The following PTPN4 variants were observed in gnomAD, a reference collection of about 807,000 sequenced individuals.
The protein encoded by PTPN4 is protein tyrosine phosphatase non-receptor type 4.
Under a neutral mutation model 135.5 loss-of-function variants are expected in PTPN4, and 49 were observed. The observed-to-expected ratio is 0.36, with a 90% CI of 0.29 to 0.46. The LOEUF (loss-of-function observed/expected upper bound fraction) is 0.46, where lower values mean the gene tolerates loss of function less well. PTPN4 is among the 20% of genes least tolerant of loss of function. PTPN4 has a pLI of 1.00. For missense variants in PTPN4, 860 were observed against 1,101.0 expected (o/e 0.78, Z 3.10); for synonymous variants, 333 against 369.9 (o/e 0.90, Z 1.14).
At chr2:119,774,364 TTTTTTGTTTTG>T (rs1285824010) in intron 1 of PTPN4, among the ~76,000 whole-genome samples, 17 of 152,204 alleles carry the variant, frequency 1.1e-4, no homozygotes, top group Admixed American at 3.9e-4. Flanking sequence ...TAAAGACCAT[TTTTTTGTTTTG>T]TTTTTGTTTT....
chr2:119,882,717 A>G, intron 8 of PTPN4, 94 bp downstream of exon 8: 1 of 1,046,980 alleles, frequency 9.6e-7, no homozygotes, highest in Non-Finnish European at 1.3e-6. Flanking sequence ...TGTATTTAAT[A>G]TAGAACAATT....
intron 2 of PTPN4, among the ~76,000 whole-genome samples, chr2:119,858,710 G>A (rs1292000575): frequency 2.0e-5 from 3 of 151,760 alleles, no homozygotes; most frequent in Non-Finnish European, 2.9e-5. Flanking sequence ...GTGCAGTGGT[G>A]CCATCTCTGC....
At chr2:119,935,091 A>T in intron 15 of PTPN4, 133 bp downstream of exon 15, 1 of 1,044,560 alleles carries the variant, frequency 9.6e-7, no homozygotes, top group Non-Finnish European at 1.4e-6. Context: ...GTATGTTTGC[A>T]ATTATGCTCA....
intron 2 of PTPN4, among the ~76,000 whole-genome samples, chr2:119,854,276 G>C (rs1677639673): frequency 6.6e-6 from 1 of 152,148 alleles, no homozygotes; most frequent in Non-Finnish European, 1.5e-5. Flanking sequence ...AATGGACCCA[G>C]TTTCTAATCA....
chr2:119,818,100 A>G (rs1312386934), intron 2 of PTPN4, among the ~76,000 whole-genome samples: 1 of 152,160 alleles, frequency 6.6e-6, no homozygotes, highest in East Asian at 1.9e-4. Context: ...GATCATGTCA[A>G]CTGCAAACAG....
chr2:119,938,289 G>A (rs901758972), intron 15 of PTPN4, among the ~76,000 whole-genome samples: 4 of 151,570 alleles, frequency 2.6e-5, no homozygotes, highest in Non-Finnish European at 4.4e-5. Flanking sequence ...CACCACACCC[G>A]GCTAATTTTT....
chr2:119,938,908 G>GT, intron 15 of PTPN4, among the ~76,000 whole-genome samples: 1 of 151,786 alleles, frequency 6.6e-6, no homozygotes, highest in Non-Finnish European at 1.5e-5. Context: ...CAGTTACTTT[G>GT]TTTTAGATGC....
intron 2 of PTPN4, among the ~76,000 whole-genome samples, chr2:119,845,291 A>G (rs1677479226): frequency 7.1e-6 from 1 of 139,992 alleles, no homozygotes; most frequent in South Asian, 2.4e-4. Flanking sequence ...GGAGAGGGAG[A>G]GGGAGAGGGC....
At chr2:119,808,663 A>G (rs906578158) in intron 1 of PTPN4, among the ~76,000 whole-genome samples, 1 of 152,002 alleles carries the variant, frequency 6.6e-6, no homozygotes, top group Non-Finnish European at 1.5e-5. Context: ...TCCTGAAGCA[A>G]TCCTCCCACC....
chr2:119,955,542 A>T (rs1369106541), intron 20 of PTPN4, among the ~76,000 whole-genome samples: 3 of 152,236 alleles, frequency 2.0e-5, no homozygotes, highest in Non-Finnish European at 4.4e-5. Flanking sequence ...AAGAGGGATA[A>T]GGAAATTTTA....
chr2:119,771,483 C>T (rs1389776994), intron 1 of PTPN4: 1 of 152,234 alleles, frequency 6.6e-6, no homozygotes, highest in Admixed American at 6.5e-5. Flanking sequence ...GTAGCTGGAG[C>T]TCTCTGCTAT....
At chr2:119,910,542 TG>T (rs1678556228) in intron 10 of PTPN4, among the ~76,000 whole-genome samples, 1 of 152,188 alleles carries the variant, frequency 6.6e-6, no homozygotes, top group South Asian at 2.1e-4. Flanking sequence ...CTCTGTGTCC[TG>T]CCCCCTCCTC....
In PTPN4 at chr2:119,845,093, C is replaced by G. The variant is rs1285118386; in HGVS notation, c.139-17443C>G. On this transcript the variant is annotated intron_variant, in intron 2 of 26. Transcript: ENST00000263708. ...CAGCGAAACCCCGTCTCCACCAAAACCAGTCAGGCGTGGCGGCGCGAGCCT... is the reference window on the plus strand; with the variant it reads ...CAGCGAAACCCCGTCTCCACCAAAAGCAGTCAGGCGTGGCGGCGCGAGCCT... 2.7e-5 allele frequency among the ~76,000 whole-genome samples: 4 copies of G among 149,884 alleles called. No homozygotes were observed. In the East Asian group the frequency reaches 7.8e-4, roughly 29 times the overall value.
intron 20 of PTPN4, among the ~76,000 whole-genome samples, chr2:119,956,332 G>C (rs1158283534): frequency 7.0e-6 from 1 of 142,630 alleles, no homozygotes; most frequent in Non-Finnish European, 1.5e-5. Context: ...TCCAGCCTCA[G>C]CCTCTCAAGT....
chr2:119,936,194 G>A (rs1468236362), intron 15 of PTPN4, among the ~76,000 whole-genome samples: 6 of 152,118 alleles, frequency 3.9e-5, no homozygotes, highest in Non-Finnish European at 8.8e-5. Flanking sequence ...AGTAGAGATG[G>A]GGTTTCACCG....
chr2:119,948,400 T>A (rs1679166389), intron 18 of PTPN4, among the ~76,000 whole-genome samples: 2 of 152,076 alleles, frequency 1.3e-5, no homozygotes, highest in South Asian at 4.2e-4. Flanking sequence ...GTCAAATCTT[T>A]TAATGGTGTG....
chr2:119,867,696 T>A (rs780298768), intron 3 of PTPN4, among the ~76,000 whole-genome samples: 17 of 152,182 alleles, frequency 1.1e-4, no homozygotes, highest in Non-Finnish European at 1.9e-4. Context: ...TTACATTGAT[T>A]TTCAATTTTT....
At chr2:119,779,639 A>G (rs1690901050) in intron 1 of PTPN4, among the ~76,000 whole-genome samples, 2 of 151,730 alleles carry the variant, frequency 1.3e-5, no homozygotes, top group Admixed American at 1.3e-4. Flanking sequence ...AAAAAAGATC[A>G]GCTATCGAGG....
intron 1 of PTPN4, among the ~76,000 whole-genome samples, chr2:119,783,768 A>G (rs1443511396): frequency 6.6e-6 from 1 of 152,210 alleles, no homozygotes; most frequent in Non-Finnish European, 1.5e-5. Flanking sequence ...GAGATGTTTA[A>G]GTTATTGTTG....
Sources: allele counts gnomAD v4.1 joint callset (sites outside exome capture counted in the v4.1 genomes callset), GRCh38; gene constraint gnomAD v4.1.1; transcripts MANE v1.5; gene names NCBI Gene and HGNC (gene_info 2026-07-23, HGNC 2026-07-21).